DMAC1: variants seen among roughly 807,000 people sequenced by gnomAD.
DMAC1 encodes distal membrane-arm assembly complex protein 1.
Under a neutral mutation model 7.0 loss-of-function variants are expected in DMAC1, and 10 were observed. That is an observed-to-expected ratio of 1.43 (90% CI 0.88 to 2.43). The LOEUF (loss-of-function observed/expected upper bound fraction) is 2.43, where lower values mean the gene tolerates loss of function less well. Among genes scored for constraint, DMAC1 ranks in the 30% most tolerant of loss-of-function variants. The pLI, the probability that DMAC1 is intolerant of heterozygous loss-of-function variation, is 0.00. For synonymous variants in DMAC1, 92 were observed against 66.2 expected, an observed-to-expected ratio of 1.39 and a Z score of -1.90; for missense variants, 219 against 158.7, an observed-to-expected ratio of 1.38 and a Z score of -2.04.
At chr9:7,799,362 C>A in intron 1 of DMAC1, 99 bp downstream of exon 1, 1 of 1,304,356 alleles carries the variant, frequency 7.7e-7, no homozygotes, top group South Asian at 1.4e-5. Context: ...CCAGCGGCAG[C>A]ACCCCGCCTC....
In DMAC1 at chr9:7,798,664, C is replaced by T. The variant is rs1479177979; in HGVS notation, c.275-27G>A. 4.0e-6 allele frequency: 6 copies of T among 1,502,862 alleles called. No homozygotes were observed. In the African/African-American group the frequency reaches 5.5e-5, roughly 14 times the overall value. The allele number at this position is 1,502,862 out of a possible 1,614,324, so 93.1% of individuals were successfully genotyped here. ...TAGAAAAAAAACAACAATACCTTACCTTTATGCTGCATTTAAATTTACCAA... is the reference window on the plus strand; with the variant it reads ...TAGAAAAAAAACAACAATACCTTACTTTTATGCTGCATTTAAATTTACCAA... On this transcript the variant is annotated intron_variant, in intron 1 of 1. Coordinates refer to ENST00000358227, the MANE Select transcript of DMAC1 (RefSeq NM_033428.3).
At position 7,796,592 on chromosome 9, in the gene DMAC1, T is replaced by C. The variant is rs1818603904; in HGVS notation, c.*1981A>G. The C allele has an allele frequency of 6.6e-6, 1 of 152,196 alleles. No individual in the cohort carries two copies. Among genetic ancestry groups the C allele is most frequent in the Non-Finnish European group, 1.5e-5 (1 of 68,040 alleles). The allele number at this position is 152,196 out of a possible 1,614,324, so 9.4% of individuals were successfully genotyped here. A position where few individuals can be genotyped will look rare whatever the true frequency, so the allele number is the denominator to read the frequency against. ...CATTAAAATGCTATTACAATACAGT[T>C]GACCCAAACAACACAGGTTTGAACT... On this transcript the variant is annotated 3_prime_UTR_variant, in exon 2 of 2. Transcript: ENST00000358227.
In DMAC1 at chr9:7,798,612, GACA is replaced by G. The variant is rs767414082; in HGVS notation, c.297_299del (p.Val100del). The G allele has an allele frequency of 4.4e-6, 7 of 1,598,990 alleles. No homozygotes were observed. The highest frequency in any genetic ancestry group is 3.3e-5 in the South Asian group (3 of 89,638). On this transcript the variant is annotated inframe_deletion, in exon 2 of 2. Coordinates refer to ENST00000358227, the MANE Select transcript of DMAC1 (RefSeq NM_033428.3). ...AGGCCTTCCCTTTGGGGTCTGCCAT[GACA>G]ACGATACCCCAGGTGGCAATGCCTA... is the stretch of plus-strand genomic sequence containing the variant.
chr9:7,798,779 C>A, intron 1 of DMAC1, 142 bp from the exon 2 acceptor site: 7 of 632,770 alleles, frequency 1.1e-5, no homozygotes, highest in Admixed American at 3.8e-5. Context: ...GCAAGTGAAG[C>A]ACAGAAAAAG....
intron 1 of DMAC1, among the ~76,000 whole-genome samples, chr9:7,799,008 G>C (rs1818681348): frequency 6.6e-6 from 1 of 152,068 alleles, no homozygotes; most frequent in Non-Finnish European, 1.5e-5. Context: ...TAGAATCCAC[G>C]TCTAAAGATC....
At chr9:7,799,406 C>T (rs1411361495) in intron 1 of DMAC1, 55 bp downstream of exon 1, 3 of 1,593,174 alleles carry the variant, frequency 1.9e-6, no homozygotes, top group African/African-American at 1.3e-5. Flanking sequence ...GCTCCGTTTC[C>T]TTCCTCTACC....
Position 7,799,600 on chromosome 9 carries a change from C to T in DMAC1, c.135G>A (p.Lys45=), listed in dbSNP as rs1005234595. Residue 45 remains lysine, a synonymous_variant, in exon 1 of 2, where the codon AAG becomes AAA. Coordinates refer to ENST00000358227, the MANE Select transcript of DMAC1 (RefSeq NM_033428.3). ...PTSPAEHRLL[K]TCWSCRVLSG... Reference sequence around the variant, plus strand: ...AAAGCACGCGACAGCTCCAGCAGGTCTTCAACAGGCGGTGTTCTGCTGGGG... The same window carrying T: ...AAAGCACGCGACAGCTCCAGCAGGTTTTCAACAGGCGGTGTTCTGCTGGGG... The T allele has an allele frequency of 1.9e-6, 3 of 1,613,806 alleles. No homozygotes were observed. The highest frequency in any genetic ancestry group is 1.7e-6 in the Non-Finnish European group (2 of 1,179,996).
chr9:7,798,710 C>G, intron 1 of DMAC1, 73 bp from the exon 2 acceptor site: 1 of 1,262,686 alleles, frequency 7.9e-7, no homozygotes, highest in Admixed American at 2.5e-5. Context: ...TATACGCCAT[C>G]TTATTTAACC....
Position 7,797,134 on chromosome 9 carries a change from C to G in DMAC1, c.*1439G>C, listed in dbSNP as rs1048712877. On this transcript the variant is annotated 3_prime_UTR_variant, in exon 2 of 2. Coordinates refer to ENST00000358227, the MANE Select transcript of DMAC1 (RefSeq NM_033428.3). ...TCAATAGAACAGACTGCCTTTTAAA[C>G]CAGGGAACAACTTGTCTTTGTAGGT... 1.3e-5 allele frequency: 2 copies of G among 152,186 alleles called. No individual in the cohort carries two copies. The highest frequency in any genetic ancestry group is 4.8e-5 in the African/African-American group (2 of 41,454). 9.4% of individuals were successfully genotyped at this position (152,186 alleles called of 1,614,324 possible).
rs1288339236 is a variant in DMAC1 at position 7,797,721 on chromosome 9, G to A, written c.*852C>T. On this transcript the variant is annotated 3_prime_UTR_variant, in exon 2 of 2. Coordinates refer to ENST00000358227, the MANE Select transcript of DMAC1 (RefSeq NM_033428.3). The stretch of plus-strand genomic sequence containing the variant: ...AGATCTTTTTTTTTTTTAGCTAAAG[G>A]TTTTGAATTTTTCTTGTGACATTTA... The A allele has an allele frequency of 6.6e-6, 1 of 151,158 alleles. No homozygotes were observed. The highest frequency in any genetic ancestry group is 2.4e-5 in the African/African-American group (1 of 41,072). 9.4% of individuals were successfully genotyped at this position (151,158 alleles called of 1,614,324 possible). A position where few individuals can be genotyped will look rare whatever the true frequency, so the allele number is the denominator to read the frequency against.
rs1818635545 is a variant in DMAC1, at chr9:7,797,611, T to C, written c.*962A>G. On this transcript the variant is annotated 3_prime_UTR_variant, in exon 2 of 2. Coordinates refer to ENST00000358227, the MANE Select transcript of DMAC1 (RefSeq NM_033428.3). Reference sequence around the variant, plus strand: ...CCAATAGGTAGAAAACATGGCCTTCTCTTAGAAATGAACTATGTAATTTTG... The same window carrying C: ...CCAATAGGTAGAAAACATGGCCTTCCCTTAGAAATGAACTATGTAATTTTG... 6.6e-6 allele frequency: 1 copy of C among 152,164 alleles called. No homozygotes were observed. Among genetic ancestry groups the C allele is most frequent in the Admixed American group, 6.5e-5 (1 of 15,282 alleles). 9.4% of individuals were successfully genotyped at this position (152,164 alleles called of 1,614,324 possible).
rs1278354279 is a variant in DMAC1 at position 7,796,873 on chromosome 9, C to G, written c.*1700G>C. On this transcript the variant is annotated 3_prime_UTR_variant, in exon 2 of 2. Transcript: ENST00000358227. ...GTGTTAATCAACTGCTTTATGTTATCAATAAGGCTTCCAGTCAATTGTAAA... is the reference window on the plus strand; with the variant it reads ...GTGTTAATCAACTGCTTTATGTTATGAATAAGGCTTCCAGTCAATTGTAAA... 1 of 152,034 alleles carries G rather than the reference C, an allele frequency of 6.6e-6. No individual in the cohort carries two copies. The highest frequency in any genetic ancestry group is 2.1e-4 in the South Asian group (1 of 4,822). 9.4% of individuals were successfully genotyped at this position (152,034 alleles called of 1,614,324 possible).
In DMAC1 at chr9:7,799,718, G is replaced by A; in HGVS notation, c.17C>T (p.Ser6Phe). The A allele has an allele frequency of 1.3e-6, 2 of 1,550,556 alleles. No individual in the cohort carries two copies. The highest frequency in any genetic ancestry group is 1.7e-6 in the Non-Finnish European group (2 of 1,152,522). ...AGTGATATAGGACTCAAAAGGCTGG[G>A]ACAACCGAGACCCCATGCTCTGGAA... is the stretch of plus-strand genomic sequence containing the variant. MGSRLSQPFESYITAP... is the reference protein window; with the variant it reads MGSRLFQPFESYITAP... Residue 6 changes from serine (S) to phenylalanine (F), a missense_variant, in exon 1 of 2, where the codon TCC (serine) becomes TTC (phenylalanine). By Grantham distance (155) the Ser-to-Phe change is radical. Transcript: ENST00000358227.
Position 7,799,595 on chromosome 9 carries a change from C to T in DMAC1, c.140G>A (p.Cys47Tyr). 1 of 1,613,880 alleles carries T rather than the reference C, an allele frequency of 6.2e-7. No homozygotes were observed. Residue 47 changes from cysteine to tyrosine, a missense_variant, in exon 1 of 2, where the codon TGC (cysteine) becomes TAC (tyrosine). By Grantham distance (194) the Cys-to-Tyr change is radical (BLOSUM62 -2). Coordinates refer to ENST00000358227, the MANE Select transcript of DMAC1 (RefSeq NM_033428.3). ...SPAEHRLLKT[C>Y]WSCRVLSGLG... ...CCCAGAAAGCACGCGACAGCTCCAG[C>T]AGGTCTTCAACAGGCGGTGTTCTGC...
rs1397771301 is a variant in DMAC1 at position 7,796,838 on chromosome 9, CA to C, written c.*1734del. 1.7e-5 allele frequency: 2 copies of C among 117,642 alleles called. No homozygotes were observed. The highest frequency in any genetic ancestry group is 5.7e-5 in the African/African-American group (2 of 35,072). The allele number at this position is 117,642 out of a possible 1,614,324, so 7.3% of individuals were successfully genotyped here. ...AGAATACGGAATATAATACATACAA[CA>C]CAAAAAATGTGTTAATCAACTGCTT... On this transcript the variant is annotated 3_prime_UTR_variant, in exon 2 of 2. Coordinates refer to ENST00000358227, the MANE Select transcript of DMAC1 (RefSeq NM_033428.3).
Position 7,797,884 on chromosome 9 carries a change from C to G in DMAC1, c.*689G>C, listed in dbSNP as rs1241930402. The G allele has an allele frequency of 6.6e-6, 1 of 152,156 alleles. No homozygotes were observed. Among genetic ancestry groups the G allele is most frequent in the Non-Finnish European group, 1.5e-5 (1 of 68,036 alleles). 9.4% of individuals were successfully genotyped at this position (152,156 alleles called of 1,614,324 possible). On this transcript the variant is annotated 3_prime_UTR_variant, in exon 2 of 2. Transcript: ENST00000358227. ...TCCATCACGGACTTACTGAATGACC[C>G]TAGGCAAATCATGTGGGCTCTTTCT...
At chr9:7,799,004 C>A (rs1818681133) in intron 1 of DMAC1, among the ~76,000 whole-genome samples, 1 of 152,046 alleles carries the variant, frequency 6.6e-6, no homozygotes, top group African/African-American at 2.4e-5. Flanking sequence ...AGCTTAGAAT[C>A]CACGTCTAAA....
chr9:7,798,662 A>G, intron 1 of DMAC1, 25 bp from the exon 2 acceptor site: 1 of 1,505,016 alleles, frequency 6.6e-7, no homozygotes, highest in East Asian at 2.3e-5. Context: ...ACAATACCTT[A>G]CCTTTATGCT....
Position 7,799,686 on chromosome 9 carries a change from G to A in DMAC1, c.49C>T (p.Pro17Ser), listed in dbSNP as rs1818705653. ...QPFESYITAP[P>S]GTAAAPAKPA... ...TTGGCGGGCGCGGCGGCGGTACCGG[G>A]AGGCGCAGTGATATAGGACTCAAAA... is the stretch of plus-strand genomic sequence containing the variant. Residue 17 changes from proline (P) to serine (S), a missense_variant, in exon 1 of 2, where the codon CCC becomes TCC. Coordinates refer to ENST00000358227, the MANE Select transcript of DMAC1 (RefSeq NM_033428.3). 4 of 1,597,442 alleles carry A rather than the reference G, an allele frequency of 2.5e-6. No individual in the cohort carries two copies. Among genetic ancestry groups the A allele is most frequent in the South Asian group, 1.1e-5 (1 of 88,882 alleles).
Sources: allele counts gnomAD v4.1 joint callset (sites outside exome capture counted in the v4.1 genomes callset), GRCh38; gene constraint gnomAD v4.1.1; transcripts MANE v1.5; gene names NCBI Gene and HGNC (gene_info 2026-07-23, HGNC 2026-07-21).